Variants in WNK1 observed in about 807,000 individuals in gnomAD.
WNK1 encodes serine/threonine-protein kinase WNK1.
A neutral mutation model predicts 222.8 loss-of-function variants in WNK1; 38 were observed. The observed-to-expected ratio is 0.17, with a 90% confidence interval of 0.13 to 0.22. WNK1 has a LOEUF of 0.22. Among genes scored for constraint, WNK1 ranks in the 10% least tolerant of loss-of-function variants. The pLI, the probability that WNK1 is intolerant of heterozygous loss-of-function variation, is 1.00. For missense variants in WNK1, 2,348 were observed against 2,918.4 expected (o/e 0.80, Z 4.50); for synonymous variants, 1,090 against 1,092.9 (o/e 1.00, Z 0.05).
chr12:881,746 A>G lies in WNK1; in HGVS notation c.3166A>G (p.Thr1056Ala). 1 of 1,614,006 alleles carries G rather than the reference A, an allele frequency of 6.2e-7. No individual in the cohort carries two copies. The highest frequency in any genetic ancestry group is 1.1e-5 in the South Asian group (1 of 91,072). The change falls in exon 13 of 28, where the codon ACC becomes GCC. Residue 1056 changes from threonine (T) to alanine (A), a missense_variant. By Grantham distance (58) the Thr-to-Ala change is moderately conservative. Around this residue, in one of 13 missense-constraint regions of WNK1, gnomAD observed 547 missense variants for 558.3 expected, o/e 0.98. Transcript: ENST00000315939. ...TGCAGAGCCAGTTGCAGTAGCACAG[A>G]CCCAAGCTACCCAGCCGACCACTTT... ...APAEPVAVAQ[T>A]QATQPTTLAS...
rs773531341 is a variant in WNK1, at chr12:887,286, A to G, written c.5346A>G (p.Pro1782=). 3 of 1,614,178 alleles carry G rather than the reference A, an allele frequency of 1.9e-6. No homozygotes were observed. Among genetic ancestry groups the G allele is most frequent in the Non-Finnish European group, 2.5e-6 (3 of 1,180,020 alleles). Residue 1782 remains proline (P), a synonymous_variant, in exon 20 of 28, where the codon CCA becomes CCG. Transcript: ENST00000315939. The part of the protein sequence containing the change: ...TLPSEQLPPF[P]GPSLTQSQQP... ...CCAGCGAGCAGCTGCCACCTTTTCC[A>G]GGACCTTCTCTAACCCAGGTGCCTC...
intron 5 of WNK1, 132 bp from the exon 6 acceptor site, chr12:859,113 G>C: frequency 1.3e-6 from 1 of 762,640 alleles, no homozygotes; most frequent in Non-Finnish European, 2.2e-6. Flanking sequence ...GTAAAAATGA[G>C]TTATACTTTC....
intron 1 of WNK1, among the ~76,000 whole-genome samples, chr12:784,177 G>T (rs147615611): frequency 1.3e-5 from 2 of 152,240 alleles, no homozygotes; most frequent in Non-Finnish European, 2.9e-5. Context: ...AGCCATGATT[G>T]TGCCCCTGTG....
At chr12:904,625 A>G in intron 26 of WNK1, 1 of 572,832 alleles carries the variant, frequency 1.7e-6, no homozygotes, top group South Asian at 1.6e-5. Flanking sequence ...TCTAATAAAT[A>G]TTTAACATGC....
chr12:846,734 G>C (rs1029321140), intron 4 of WNK1, among the ~76,000 whole-genome samples: 2 of 152,010 alleles, frequency 1.3e-5, no homozygotes. Context: ...ATTTTGTCTG[G>C]GAAAAAACAG....
intron 1 of WNK1, among the ~76,000 whole-genome samples, chr12:784,526 A>G (rs1322110107): frequency 1.3e-5 from 2 of 152,138 alleles, no homozygotes; most frequent in Non-Finnish European, 2.9e-5. Flanking sequence ...TAAAAATAGC[A>G]TTATTGAAGT....
rs766552593 is a variant in WNK1 at position 867,932 on chromosome 12, A to G, written c.2140-3333A>G. ...CCCAGAATCACAGATATTTTTCCCA[A>G]CTATTCATGAACGTCCAGTTTCTTT... is the stretch of plus-strand genomic sequence containing the variant. On this transcript the variant is annotated intron_variant, in intron 8 of 27. Transcript: ENST00000315939. 35 of 1,613,832 alleles carry G rather than the reference A, an allele frequency of 2.2e-5. No homozygotes were observed. The highest frequency in any genetic ancestry group is 2.7e-5 in the African/African-American group (2 of 74,888).
chr12:904,323 C>T (rs1955520739), intron 26 of WNK1: 2 of 569,634 alleles, frequency 3.5e-6, no homozygotes, highest in Non-Finnish European at 5.9e-6. Context: ...TCAAGGGCTA[C>T]CAGGTCCTAC....
chr12:858,378 C>T (rs1216169032), intron 5 of WNK1, among the ~76,000 whole-genome samples: 2 of 152,044 alleles, frequency 1.3e-5, no homozygotes. Flanking sequence ...TTAGTAGAGA[C>T]AGGGTTTCAC....
At chr12:820,945 G>T (rs1947813551) in intron 2 of WNK1, among the ~76,000 whole-genome samples, 1 of 150,766 alleles carries the variant, frequency 6.6e-6, no homozygotes, top group East Asian at 1.9e-4. Flanking sequence ...AAAGCTTTTG[G>T]TCTTTCACCA....
Position 871,363 on chromosome 12 carries a change from T to C in WNK1, c.2223+15T>C. 6.2e-7 allele frequency: 1 copy of C among 1,611,868 alleles called. No homozygotes were observed. The highest frequency in any genetic ancestry group is 2.2e-5 in the East Asian group (1 of 44,868). ...ATCCTCAGCAGGTGAGAACAATGCA[T>C]TGCAACATTTTATGAATTAGCAGTG... On this transcript the variant is annotated intron_variant, in intron 9 of 27. Transcript: ENST00000315939.
chr12:877,464 C>T (rs1952736161), intron 9 of WNK1, among the ~76,000 whole-genome samples: 2 of 152,066 alleles, frequency 1.3e-5, no homozygotes, highest in South Asian at 2.1e-4. Context: ...ATTTAGTATT[C>T]GAGTACAGTT....
intron 1 of WNK1, among the ~76,000 whole-genome samples, chr12:812,101 G>A (rs1340107347): frequency 6.6e-6 from 1 of 152,140 alleles, no homozygotes; most frequent in Non-Finnish European, 1.5e-5. Flanking sequence ...CTATAAATAA[G>A]TAGTTGGCAG....
At chr12:898,045 A>G (rs1019915503) in intron 25 of WNK1, among the ~76,000 whole-genome samples, 1 of 152,300 alleles carries the variant, frequency 6.6e-6, no homozygotes, top group East Asian at 1.9e-4. Context: ...GTTTAGTAAA[A>G]CTTGGGTAGA....
In WNK1 at chr12:908,861, G is replaced by GGGGGGGGGGCA; in HGVS notation, c.*69_*70insGGGGGGGGGCA. The GGGGGGGGGGCA allele has an allele frequency of 6.1e-6, 3 of 491,844 alleles. No homozygotes were observed. The highest frequency in any genetic ancestry group is 6.0e-5 in the East Asian group (1 of 16,748). The allele number at this position is 491,844 out of a possible 1,614,324, so 30.5% of individuals were successfully genotyped here. A position where few individuals can be genotyped will look rare whatever the true frequency, so the allele number is the denominator to read the frequency against. On this transcript the variant is annotated 3_prime_UTR_variant, in exon 28 of 28. Coordinates refer to ENST00000315939, the MANE Select transcript of WNK1 (RefSeq NM_018979.4). ...ATGCTGAGGGGGTGGGTGGGGGTGG[G>GGGGGGGGGGCA]AAGTAGCCTATATACTAACTACTAG... is the stretch of plus-strand genomic sequence containing the variant.
Position 829,895 on chromosome 12 carries a change from C to T in WNK1, c.1154-108C>T, listed in dbSNP as rs1232855426. 5 of 1,175,288 alleles carry T rather than the reference C, an allele frequency of 4.3e-6. No individual in the cohort carries two copies. In the Admixed American group the frequency reaches 7.1e-5, roughly 17 times the overall value. 72.8% of individuals were successfully genotyped at this position (1,175,288 alleles called of 1,614,324 possible). A position where few individuals can be genotyped will look rare whatever the true frequency, so the allele number is the denominator to read the frequency against. ...TTCTCCCCCTTTCCTTTTTTCTCCC[C>T]ATTCCAATTTCTTCTCTCTCACAGG... is the stretch of plus-strand genomic sequence containing the variant. On this transcript the variant is annotated intron_variant, in intron 3 of 27. Transcript: ENST00000315939.
Position 753,709 on chromosome 12 carries a change from C to T in WNK1, c.144C>T (p.Thr48=), listed in dbSNP as rs1371308461. The part of the protein sequence containing the change: ...KLGAAAADAV[T]GRTEEYRRRR... The stretch of plus-strand genomic sequence containing the variant: ...GAGCCGCGGCCGCCGACGCTGTGAC[C>T]GGCAGGACCGAGGAGTACAGGCGCC... Residue 48 remains threonine, a synonymous_variant, in exon 1 of 28, where the codon ACC becomes ACT. Coordinates refer to ENST00000315939, the MANE Select transcript of WNK1 (RefSeq NM_018979.4). This position sits in a 1 kb window ranked among gnomAD's most constrained non-coding sequence, Gnocchi z 5.2. 5.6e-6 allele frequency: 9 copies of T among 1,611,960 alleles called. No individual in the cohort carries two copies. The highest frequency in any genetic ancestry group is 6.8e-6 in the Non-Finnish European group (8 of 1,179,790).
At chr12:762,809 C>T (rs1451519857) in intron 1 of WNK1, among the ~76,000 whole-genome samples, 7 of 146,340 alleles carry the variant, frequency 4.8e-5, no homozygotes, top group Non-Finnish European at 9.2e-5. Context: ...TGCAATGGCG[C>T]GATCTCGGCT....
At chr12:849,474 C>A (rs1950259729) in intron 4 of WNK1, among the ~76,000 whole-genome samples, 1 of 152,144 alleles carries the variant, frequency 6.6e-6, no homozygotes, top group Admixed American at 6.5e-5. Flanking sequence ...TCTATGAGAT[C>A]TTCCTGGCAA....
Sources: gnomAD v4.1 joint callset for allele counts (sites outside exome capture counted in the v4.1 genomes callset) on GRCh38, gnomAD v4.1.1 for gene constraint, gnomAD v4.1.1 regional missense constraint, Gnocchi (gnomAD v3.1) non-coding constraint, MANE v1.5 for transcripts, NCBI Gene and HGNC (gene_info 2026-07-23, HGNC 2026-07-21) for gene names.